The following ZBTB44 variants were observed in gnomAD, a reference collection of about 807,000 sequenced individuals.
ZBTB44 encodes zinc finger and BTB domain containing 44, also known as zinc finger and BTB domain-containing protein 44.
Under a neutral mutation model 54.0 loss-of-function variants are expected in ZBTB44, and 15 were observed. The observed-to-expected ratio is 0.28, with a 90% CI of 0.19 to 0.43. The LOEUF (loss-of-function observed/expected upper bound fraction) is 0.43, where lower values mean the gene tolerates loss of function less well. ZBTB44 is among the 20% of genes least tolerant of loss of function. The pLI is 1.00. For missense variants in ZBTB44, 487 were observed against 707.1 expected, an observed-to-expected ratio of 0.69 and a Z score of 3.53; for synonymous variants, 230 against 250.1, an observed-to-expected ratio of 0.92 and a Z score of 0.76.
chr11:130,276,621 G>A (rs1238166706), intron 1 of ZBTB44, among the ~76,000 whole-genome samples: 2 of 151,912 alleles, frequency 1.3e-5, no homozygotes, highest in South Asian at 2.1e-4. Context: ...TTTTAGTAGA[G>A]ATAGGGTTTT....
At chr11:130,262,246 T>C (rs943990630) in intron 1 of ZBTB44, among the ~76,000 whole-genome samples, 2 of 152,134 alleles carry the variant, frequency 1.3e-5, no homozygotes, top group African/African-American at 4.8e-5. Context: ...TTCAAGCAAT[T>C]CTCCTGCCTC....
Position 130,239,880 on chromosome 11 carries a change from G to A in ZBTB44, c.1035C>T (p.Gly345=), listed in dbSNP as rs1267602590. 7.4e-6 allele frequency: 12 copies of A among 1,610,882 alleles called. No individual in the cohort carries two copies. The highest frequency in any genetic ancestry group is 8.5e-6 in the Non-Finnish European group (10 of 1,178,284). The change falls in exon 3 of 8, where the codon GGC becomes GGT. Residue 345 remains glycine (G), a synonymous_variant. Transcript: ENST00000357899. Reference sequence around the variant, plus strand: ...GAAGTGTAGGCAAGCCCTCAGAAACGCCTTCATCTACTGAGCCTGTGAATA... The same window carrying A: ...GAAGTGTAGGCAAGCCCTCAGAAACACCTTCATCTACTGAGCCTGTGAATA... ...QSSSIGSVDE[G]VSEGLPTLQS...
At chr11:130,281,822 G>A (rs1940546745) in intron 1 of ZBTB44, among the ~76,000 whole-genome samples, 1 of 152,056 alleles carries the variant, frequency 6.6e-6, no homozygotes, top group Non-Finnish European at 1.5e-5. Context: ...AGCCAGGATG[G>A]TCTCGATCTC....
rs538846277 is a variant in ZBTB44, at chr11:130,269,019, G to C, written c.-56-7090C>G. On this transcript the variant is annotated intron_variant, in intron 1 of 7. Transcript: ENST00000357899. ...AAAAAAAAAAAATCTCGCCAGGCAC[G>C]GTGGCTCATGCCTGTAATCCCAGCA... Among the ~76,000 whole-genome samples the C allele has an allele frequency of 2.0e-5, 3 of 151,558 alleles. No homozygotes were observed. The South Asian group carries it at 6.2e-4, about 32-fold the overall frequency.
intron 4 of ZBTB44, 140 bp from the exon 5 acceptor site, chr11:130,237,233 G>T: frequency 3.4e-6 from 3 of 880,368 alleles, no homozygotes; most frequent in Non-Finnish European, 1.5e-6. Flanking sequence ...TATTCTAATT[G>T]AGTATCTCAG....
At position 130,289,512 on chromosome 11, in the gene ZBTB44, G is replaced by A. The variant is rs1393598900; in HGVS notation, c.-57+24863C>T. On this transcript the variant is annotated intron_variant, in intron 1 of 7. Coordinates refer to ENST00000357899, the MANE Select transcript of ZBTB44 (RefSeq NM_001301098.2). ...AAAAAAAAAAAAGATTTAGGTAAAAGACGGTGGTCAAGAGAATGTTTATCT... is the reference window on the plus strand; with the variant it reads ...AAAAAAAAAAAAGATTTAGGTAAAAAACGGTGGTCAAGAGAATGTTTATCT... Among the ~76,000 whole-genome samples, 8 of 146,742 alleles carry A rather than the reference G, an allele frequency of 5.5e-5. No homozygotes were observed. The Admixed American group carries it at 5.5e-4, about 10-fold the overall frequency.
At chr11:130,271,601 T>A (rs1170514725) in intron 1 of ZBTB44, among the ~76,000 whole-genome samples, 1 of 152,224 alleles carries the variant, frequency 6.6e-6, no homozygotes, top group African/African-American at 2.4e-5. Flanking sequence ...TGGAATCATA[T>A]AATAATGTGG....
At chr11:130,293,935 A>G (rs1941469869) in intron 1 of ZBTB44, among the ~76,000 whole-genome samples, 1 of 152,252 alleles carries the variant, frequency 6.6e-6, no homozygotes, top group Non-Finnish European at 1.5e-5. Context: ...AGTTATCAAT[A>G]AATCAATTAA....
chr11:130,281,804 G>A (rs972768645), intron 1 of ZBTB44, among the ~76,000 whole-genome samples: 6 of 133,818 alleles, frequency 4.5e-5, no homozygotes, highest in East Asian at 4.4e-4. Context: ...CCGGGGTTTC[G>A]CCGTGTTAGC....
chr11:130,302,549 G>A (rs1193461445), intron 1 of ZBTB44, among the ~76,000 whole-genome samples: 1 of 152,174 alleles, frequency 6.6e-6, no homozygotes, highest in East Asian at 1.9e-4. Context: ...TGAGCAGTGG[G>A]AAGGTCCAAA....
intron 2 of ZBTB44, among the ~76,000 whole-genome samples, chr11:130,252,077 A>G (rs928761351): frequency 6.6e-6 from 1 of 152,202 alleles, no homozygotes; most frequent in Non-Finnish European, 1.5e-5. Flanking sequence ...GAATGGAGGA[A>G]TATTTACCAA....
chr11:130,228,490 A>C lies in ZBTB44; in HGVS notation c.*3274T>G, dbSNP rs374229096. 6.6e-6 allele frequency: 1 copy of C among 152,210 alleles called. No individual in the cohort carries two copies. Among genetic ancestry groups the C allele is most frequent in the African/African-American group, 2.4e-5 (1 of 41,454 alleles). 9.4% of individuals were successfully genotyped at this position (152,210 alleles called of 1,614,324 possible). ...AAAAAATCGCCTAGAGAAAACACAC[A>C]TAAGCTAATCCTAGAAAAGGCTCTC... On this transcript the variant is annotated 3_prime_UTR_variant, in exon 8 of 8. Transcript: ENST00000357899.
chr11:130,296,282 G>C (rs1447165125), intron 1 of ZBTB44: 7 of 1,488,160 alleles, frequency 4.7e-6, no homozygotes, highest in Non-Finnish European at 6.4e-6. Context: ...CTTCTGAAAA[G>C]AGATTCCTTC....
intron 2 of ZBTB44, among the ~76,000 whole-genome samples, chr11:130,244,326 T>G (rs1040690690): frequency 6.6e-6 from 1 of 152,014 alleles, no homozygotes. Context: ...CTCTGAGAAT[T>G]TCGGTCTTTT....
At position 130,276,232 on chromosome 11, in the gene ZBTB44, C is replaced by CAAAAAAAAA. The variant is rs757286125; in HGVS notation, c.-56-14312_-56-14304dup. On this transcript the variant is annotated intron_variant, in intron 1 of 7. Coordinates refer to ENST00000357899, the MANE Select transcript of ZBTB44 (RefSeq NM_001301098.2). ...CAAGAGTGAACGTGAAACTCTGTCT[C>CAAAAAAAAA]AAAAAAAAAAAAAAGAAAAAAGAAA... 8.2e-3 allele frequency among the ~76,000 whole-genome samples: 259 copies of CAAAAAAAAA among 31,626 alleles called. 9 individuals carry two copies. Among genetic ancestry groups the CAAAAAAAAA allele is most frequent in the African/African-American group, 0.019 (195 of 10,100 alleles). 20.7% of individuals were successfully genotyped at this position (31,626 alleles called of 152,430 possible). A position where few individuals can be genotyped will look rare whatever the true frequency, so the allele number is the denominator to read the frequency against.
intron 1 of ZBTB44, among the ~76,000 whole-genome samples, chr11:130,276,079 A>G (rs1940044995): frequency 6.6e-6 from 1 of 151,604 alleles, no homozygotes; most frequent in South Asian, 2.1e-4. Flanking sequence ...TACAAAAATT[A>G]ACCAGGCATG....
chr11:130,289,236 A>C (rs1013817722), intron 1 of ZBTB44, among the ~76,000 whole-genome samples: 9 of 152,078 alleles, frequency 5.9e-5, no homozygotes, highest in Non-Finnish European at 2.9e-5. Context: ...TAATCCCAGC[A>C]CTCTGGGAGG....
At chr11:130,256,943 G>A (rs1257101333) in intron 2 of ZBTB44, among the ~76,000 whole-genome samples, 1 of 152,052 alleles carries the variant, frequency 6.6e-6, no homozygotes. Flanking sequence ...AGGAAGAGAG[G>A]AAGTCAAGGG....
intron 1 of ZBTB44, among the ~76,000 whole-genome samples, chr11:130,274,295 T>C (rs1939895295): frequency 1.3e-5 from 2 of 152,186 alleles, no homozygotes; most frequent in African/African-American, 4.8e-5. Context: ...TCAACGTGTA[T>C]AAGATCAGGT....
Sources: gnomAD v4.1 joint callset for allele counts (sites outside exome capture counted in the v4.1 genomes callset) on GRCh38, gnomAD v4.1.1 for gene constraint, MANE v1.5 for transcripts, NCBI Gene and HGNC (gene_info 2026-07-23, HGNC 2026-07-21) for gene names.